Variants in SULF1 observed in about 807,000 individuals in gnomAD.
SULF1 encodes the protein sulfatase 1, also known as extracellular sulfatase Sulf-1.
Under a neutral mutation model 110.5 loss-of-function variants are expected in SULF1, and 46 were observed. The observed-to-expected ratio is 0.42, with a 90% CI of 0.33 to 0.53. SULF1 has a LOEUF of 0.53. Among genes scored for constraint, SULF1 ranks in the 20% least tolerant of loss-of-function variants. The pLI, the probability that SULF1 is intolerant of heterozygous loss-of-function variation, is 0.12. For missense variants in SULF1, 941 were observed against 1,094.2 expected (o/e 0.86, Z 1.98); for synonymous variants, 371 against 387.1 (o/e 0.96, Z 0.49).
chr8:69,649,060 A>G (rs746718772), intron 22 of SULF1, among the ~76,000 whole-genome samples: 1 of 152,232 alleles, frequency 6.6e-6, no homozygotes, highest in Admixed American at 6.5e-5. Context: ...TTCTCTCTGA[A>G]TAAACAGCTT....
At chr8:69,552,403 T>C (rs1392025767) in intron 3 of SULF1, among the ~76,000 whole-genome samples, 1 of 152,234 alleles carries the variant, frequency 6.6e-6, no homozygotes, top group African/African-American at 2.4e-5. Context: ...ATTATGACTC[T>C]AGCCTGGATC....
intron 3 of SULF1, among the ~76,000 whole-genome samples, chr8:69,534,789 A>G (rs2197028): frequency 0.016 from 2,370 of 152,270 alleles, 64 homozygotes; most frequent in African/African-American, 0.054. Flanking sequence ...CATTGATACA[A>G]CTGACGTCAT....
chr8:69,575,945 A>G (rs771916633), intron 5 of SULF1, 25 bp from the exon 6 acceptor site: 1 of 1,611,050 alleles, frequency 6.2e-7, no homozygotes, highest in South Asian at 1.1e-5. Context: ...ACTTTGCTAA[A>G]CAATGCTGGC....
chr8:69,547,393 G>A (rs1814345488), intron 3 of SULF1, among the ~76,000 whole-genome samples: 2 of 152,154 alleles, frequency 1.3e-5, no homozygotes, highest in South Asian at 4.1e-4. Flanking sequence ...GAAAAATCTG[G>A]TTCACAGTTC....
At chr8:69,569,392 GT>G (rs1316180534) in intron 5 of SULF1, among the ~76,000 whole-genome samples, 1 of 151,960 alleles carries the variant, frequency 6.6e-6, no homozygotes, top group African/African-American at 2.4e-5. Flanking sequence ...AGATTCTGAC[GT>G]TTCTTGAAAA....
At chr8:69,468,656 G>C (rs1808957789) in intron 1 of SULF1, among the ~76,000 whole-genome samples, 1 of 152,084 alleles carries the variant, frequency 6.6e-6, no homozygotes, top group African/African-American at 2.4e-5. Flanking sequence ...ATGGAAATGA[G>C]GTTTTAAAAA....
intron 22 of SULF1, among the ~76,000 whole-genome samples, chr8:69,643,496 A>G (rs1811646266): frequency 1.3e-5 from 2 of 152,230 alleles, no homozygotes; most frequent in Non-Finnish European, 2.9e-5. Flanking sequence ...GATCTGAAGA[A>G]TTTGAAATTT....
At chr8:69,657,583 C>T (rs1009103765) in intron 22 of SULF1, among the ~76,000 whole-genome samples, 5 of 152,240 alleles carry the variant, frequency 3.3e-5, no homozygotes, top group African/African-American at 9.6e-5. Context: ...CACAGTGTGA[C>T]ATTCAGCTCT....
intron 22 of SULF1, among the ~76,000 whole-genome samples, chr8:69,656,568 C>T (rs1422812788): frequency 2.0e-5 from 3 of 152,164 alleles, no homozygotes; most frequent in African/African-American, 7.2e-5. Context: ...TGAGAACATG[C>T]AGTGTTTGGT....
intron 3 of SULF1, among the ~76,000 whole-genome samples, chr8:69,541,117 G>A (rs1033860457): frequency 6.6e-6 from 1 of 152,164 alleles, no homozygotes; most frequent in African/African-American, 2.4e-5. Context: ...GGTGGAGCAG[G>A]AAGGTGGTGG....
rs757374655 is a variant in SULF1, at chr8:69,603,694, C to G, written c.1247+38C>G. 5.1e-6 allele frequency: 7 copies of G among 1,376,230 alleles called. No homozygotes were observed. In the South Asian group the frequency reaches 7.0e-5, roughly 14 times the overall value. 85.3% of individuals were successfully genotyped at this position (1,376,230 alleles called of 1,614,324 possible). A position where few individuals can be genotyped will look rare whatever the true frequency, so the allele number is the denominator to read the frequency against. On this transcript the variant is annotated intron_variant, in intron 12 of 22. Coordinates refer to ENST00000402687, the MANE Select transcript of SULF1 (RefSeq NM_001128205.2). ...TCCTGGGGTGCTTCTGGGAACCAGT[C>G]CTAGTGGGCAGCTTTCCCTGCTGAG... is the stretch of plus-strand genomic sequence containing the variant.
At chr8:69,492,164 C>T (rs955049861), upstream of SULF1, among the ~76,000 whole-genome samples, 2 of 151,618 alleles carry the variant, frequency 1.3e-5, no homozygotes, top group Non-Finnish European at 2.9e-5. Flanking sequence ...AGGCGCAGGA[C>T]AGGATAATAA....
At chr8:69,575,925 C>T (rs1246010674) in intron 5 of SULF1, 45 bp from the exon 6 acceptor site, 1 of 1,598,152 alleles carries the variant, frequency 6.3e-7, no homozygotes, top group Non-Finnish European at 8.5e-7. Flanking sequence ...AATAGGCATT[C>T]ATGTGCTGCA....
intron 3 of SULF1, among the ~76,000 whole-genome samples, chr8:69,506,145 T>C (rs1266565644): frequency 1.3e-5 from 2 of 152,208 alleles, no homozygotes; most frequent in Non-Finnish European, 2.9e-5. Flanking sequence ...TTTTTAGTTC[T>C]TTTAAATTTG....
At chr8:69,625,045 T>C (rs1306481287) in intron 15 of SULF1, among the ~76,000 whole-genome samples, 1 of 152,190 alleles carries the variant, frequency 6.6e-6, no homozygotes, top group Non-Finnish European at 1.5e-5. Flanking sequence ...TGCATTTCTC[T>C]TACATTATTA....
At chr8:69,640,130 A>AGAAG (rs1433101829) in intron 21 of SULF1, among the ~76,000 whole-genome samples, 7 of 149,436 alleles carry the variant, frequency 4.7e-5, no homozygotes, top group East Asian at 2.0e-4. Flanking sequence ...AAAGGAAGGA[A>AGAAG]GAAGGAAGGA....
chr8:69,544,982 C>G (rs1814145902), intron 3 of SULF1, among the ~76,000 whole-genome samples: 1 of 151,712 alleles, frequency 6.6e-6, no homozygotes, highest in South Asian at 2.1e-4. Context: ...TGTGAAGATT[C>G]TAGGCTTTTC....
At chr8:69,535,342 C>T (rs1813361191) in intron 3 of SULF1, among the ~76,000 whole-genome samples, 1 of 152,152 alleles carries the variant, frequency 6.6e-6, no homozygotes, top group Non-Finnish European at 1.5e-5. Context: ...TCTCACTGGC[C>T]CTGAGTGACC....
At chr8:69,490,321 T>A (rs567041146), upstream of SULF1, among the ~76,000 whole-genome samples, 19 of 152,180 alleles carry the variant, frequency 1.2e-4, no homozygotes, top group East Asian at 3.7e-3. Flanking sequence ...CATGCTAGTC[T>A]CGAACTTCTG....
Sources: gnomAD v4.1 joint callset for allele counts (sites outside exome capture counted in the v4.1 genomes callset) on GRCh38, gnomAD v4.1.1 for gene constraint, MANE v1.5 for transcripts, NCBI Gene and HGNC (gene_info 2026-07-23, HGNC 2026-07-21) for gene names.